Variants in AGBL1 observed in about 807,000 individuals in gnomAD.
AGBL1 encodes cytosolic carboxypeptidase 4.
In AGBL1, 130 loss-of-function variants were observed where a neutral mutation model predicts 118.9. The ratio of observed to expected loss-of-function variants is 1.09; its 90% CI spans 0.95 to 1.26. AGBL1 has a LOEUF of 1.26. AGBL1 is among the 50% of genes most tolerant of loss of function. The pLI is 0.00. For synonymous variants in AGBL1, 555 were observed against 478.9 expected, an observed-to-expected ratio of 1.16 and a Z score of -2.08; for missense variants, 1,584 against 1,298.1, an observed-to-expected ratio of 1.22 and a Z score of -3.38.
chr15:86,808,739 C>G (rs552636798), intron 22 of AGBL1, among the ~76,000 whole-genome samples: 1 of 150,180 alleles, frequency 6.7e-6, no homozygotes, highest in African/African-American at 2.4e-5. Flanking sequence ...TCCCTCCCTT[C>G]TTTCCTTCCT....
At chr15:86,604,946 C>A (rs2084552473) in intron 21 of AGBL1, among the ~76,000 whole-genome samples, 1 of 151,948 alleles carries the variant, frequency 6.6e-6, no homozygotes, top group East Asian at 1.9e-4. Flanking sequence ...CAGGCATGCG[C>A]CACCACGCCC....
chr15:86,157,960 T>G (rs1388253432), intron 4 of AGBL1, among the ~76,000 whole-genome samples: 2 of 152,240 alleles, frequency 1.3e-5, no homozygotes, highest in Admixed American at 1.3e-4. Context: ...GCTTTTAAAA[T>G]TAACTCCTCC....
At chr15:86,994,317 A>C (rs1266825112) in intron 24 of AGBL1, among the ~76,000 whole-genome samples, 2 of 152,024 alleles carry the variant, frequency 1.3e-5, no homozygotes, top group Admixed American at 1.3e-4. Context: ...CTCTCTATAT[A>C]TATATATCCT....
At chr15:86,440,995 G>A (rs904215511) in intron 18 of AGBL1, among the ~76,000 whole-genome samples, 2 of 152,154 alleles carry the variant, frequency 1.3e-5, no homozygotes, top group African/African-American at 2.4e-5. Flanking sequence ...TAGAGCAAGG[G>A]TCAGGACAGA....
chr15:86,689,892 A>G (rs1266816589), intron 22 of AGBL1, among the ~76,000 whole-genome samples: 1 of 152,186 alleles, frequency 6.6e-6, no homozygotes, highest in Non-Finnish European at 1.5e-5. Flanking sequence ...ACCTTGGAAG[A>G]GTACACGGTT....
intron 24 of AGBL1, among the ~76,000 whole-genome samples, chr15:87,004,555 A>G (rs1008068210): frequency 2.6e-5 from 4 of 152,008 alleles, no homozygotes; most frequent in Admixed American, 2.0e-4. Flanking sequence ...ATCTTCCTCC[A>G]TCCCTTTATT....
chr15:86,267,626 A>T (rs111773385), intron 13 of AGBL1, among the ~76,000 whole-genome samples: 7 of 152,352 alleles, frequency 4.6e-5, no homozygotes, highest in South Asian at 2.1e-4. Flanking sequence ...ATGAGCTCTC[A>T]GTAGAAAAGG....
intron 22 of AGBL1, among the ~76,000 whole-genome samples, chr15:86,751,312 C>A (rs549849429): frequency 2.6e-5 from 4 of 151,978 alleles, no homozygotes; most frequent in South Asian, 2.1e-4. Context: ...TTAATAATAG[C>A]CACTCTGAGT....
At chr15:86,559,969 AT>A (rs1385940994) in intron 21 of AGBL1, among the ~76,000 whole-genome samples, 1 of 152,098 alleles carries the variant, frequency 6.6e-6, no homozygotes, top group Non-Finnish European at 1.5e-5. Flanking sequence ...CAATTTTCTT[AT>A]TTATAATAGG....
chr15:86,472,201 T>G lies in AGBL1; in HGVS notation c.2556-50609T>G, dbSNP rs1426537331. 3.3e-5 allele frequency among the ~76,000 whole-genome samples: 5 copies of G among 152,268 alleles called. No homozygotes were observed. The East Asian group carries it at 7.7e-4, about 24-fold the overall frequency. ...GAATACATTTCTGTTATCACCAAGTTTGTGGTAATTTGTTCCAGCAGCCCC... is the reference window on the plus strand; with the variant it reads ...GAATACATTTCTGTTATCACCAAGTGTGTGGTAATTTGTTCCAGCAGCCCC... On this transcript the variant is annotated intron_variant, in intron 18 of 22. Transcript: ENST00000614907.
chr15:86,895,366 A>G (rs2080110393), intron 22 of AGBL1, among the ~76,000 whole-genome samples: 1 of 151,620 alleles, frequency 6.6e-6, no homozygotes, highest in South Asian at 2.1e-4. Context: ...CTACAAGAGT[A>G]GACTTTCCAG....
intron 18 of AGBL1, among the ~76,000 whole-genome samples, chr15:86,424,815 A>C (rs1290764991): frequency 6.6e-6 from 1 of 152,226 alleles, no homozygotes; most frequent in East Asian, 1.9e-4. Context: ...GTCATTAGAG[A>C]AATGCAAATC....
chr15:86,110,680 A>G (rs1277892734), intron 1 of AGBL1, among the ~76,000 whole-genome samples: 1 of 152,166 alleles, frequency 6.6e-6, no homozygotes, highest in Non-Finnish European at 1.5e-5. Flanking sequence ...CCTAAGGTTA[A>G]TCATTTTATT....
intron 17 of AGBL1, among the ~76,000 whole-genome samples, chr15:86,318,162 C>T (rs907127720): frequency 2.0e-5 from 3 of 152,150 alleles, no homozygotes; most frequent in Non-Finnish European, 4.4e-5. Context: ...CAAAGTCAGC[C>T]CCAGCTTTCT....
At chr15:86,411,920 C>A (rs965794631) in intron 18 of AGBL1, among the ~76,000 whole-genome samples, 1 of 152,096 alleles carries the variant, frequency 6.6e-6, no homozygotes, top group Admixed American at 6.5e-5. Flanking sequence ...TCTGTTCATA[C>A]CCTGCTTAGG....
intron 5 of AGBL1, among the ~76,000 whole-genome samples, chr15:86,200,605 G>T (rs1288387108): frequency 9.2e-6 from 1 of 108,436 alleles, no homozygotes; most frequent in African/African-American, 3.6e-5. Flanking sequence ...AAGCAATCAT[G>T]AATCCTTTTT....
In AGBL1 at chr15:86,189,312, C is replaced by T. The variant is rs116132458; in HGVS notation, c.488+30286C>T. Among the ~76,000 whole-genome samples, 1,312 of 152,204 alleles carry T rather than the reference C, an allele frequency of 8.6e-3. 18 individuals carry two copies. Among genetic ancestry groups the T allele is most frequent in the African/African-American group, 0.031 (1,269 of 41,512 alleles). ...CCCAAGCTGGTCTGTGGTAACAAGCCTGTAGACACAAAGTGGGTGGAGATT... is the reference window on the plus strand; with the variant it reads ...CCCAAGCTGGTCTGTGGTAACAAGCTTGTAGACACAAAGTGGGTGGAGATT... On this transcript the variant is annotated intron_variant, in intron 5 of 22. Coordinates refer to ENST00000614907, the MANE Select transcript of AGBL1 (RefSeq NM_001386094.1).
At chr15:86,288,538 TA>T (rs1448562395) in intron 16 of AGBL1, among the ~76,000 whole-genome samples, 1 of 152,186 alleles carries the variant, frequency 6.6e-6, no homozygotes, top group African/African-American at 2.4e-5. Flanking sequence ...AAACCATTTT[TA>T]TTTAAGTCTA....
intron 22 of AGBL1, among the ~76,000 whole-genome samples, chr15:86,705,852 C>A (rs1469686178): frequency 6.6e-6 from 1 of 151,972 alleles, no homozygotes; most frequent in Non-Finnish European, 1.5e-5. Context: ...ATGATTACAT[C>A]TAGTTTGATT....
Sources: allele counts gnomAD v4.1 joint callset (sites outside exome capture counted in the v4.1 genomes callset), GRCh38; gene constraint gnomAD v4.1.1; transcripts MANE v1.5; gene names NCBI Gene and HGNC (gene_info 2026-07-23, HGNC 2026-07-21).